PGM3: variants seen among roughly 807,000 people sequenced by gnomAD.
PGM3 encodes the protein phosphoacetylglucosamine mutase.
PGM3 carries 40 observed loss-of-function variants against 66.2 expected under a neutral mutation model. The observed-to-expected ratio is 0.60, with a 90% CI of 0.47 to 0.79. PGM3 has a LOEUF of 0.79. Ranked by LOEUF, PGM3 falls within the 30% of genes least tolerant of loss-of-function variation. PGM3 has a pLI of 0.00. For synonymous variants in PGM3, 191 were observed against 224.2 expected (o/e 0.85, Z 1.32); for missense variants, 537 against 643.4 (o/e 0.83, Z 1.79).
At chr6:83,188,592 T>TA (rs777228105) in intron 3 of PGM3, 22 bp downstream of exon 3, 13 of 1,502,596 alleles carry the variant, frequency 8.7e-6, no homozygotes, top group African/African-American at 1.4e-5. Context: ...TTTTTTTTTT[T>TA]ACCAGTAACT....
rs571513100 is a variant in PGM3 at position 83,168,450 on chromosome 6, T to C, written c.*784A>G. The C allele has an allele frequency of 3.3e-4, 363 of 1,083,906 alleles. No homozygotes were observed. In the African/African-American group the frequency reaches 5.6e-3, roughly 17 times the overall value. The allele number at this position is 1,083,906 out of a possible 1,614,324, so 67.1% of individuals were successfully genotyped here. On this transcript the variant is annotated 3_prime_UTR_variant, in exon 13 of 13. Transcript: ENST00000513973. Reference sequence around the variant, plus strand: ...TGAGTTGTCTTAAACCTGCAAAATATACACTACCCATTTTTTTTTTCCATT... The same window carrying C: ...TGAGTTGTCTTAAACCTGCAAAATACACACTACCCATTTTTTTTTTCCATT...
Position 83,170,312 on chromosome 6 carries a change from T to C in PGM3, c.1532A>G (p.Asp511Gly). 1 of 1,614,096 alleles carries C rather than the reference T, an allele frequency of 6.2e-7. No homozygotes were observed. Residue 511 changes from aspartate (D) to glycine (G), a missense_variant, in exon 12 of 13, where the codon GAC (aspartate) becomes GGC (glycine). Physicochemically the swap from Asp to Gly is moderately conservative, Grantham distance 94 (BLOSUM62 -1). Coordinates refer to ENST00000513973, the MANE Select transcript of PGM3 (RefSeq NM_015599.3). ...AGAACTATCCCAGCTTACTTGTGAG[T>C]CTGCTTCTGCATATACTCGGACGAC... ...EDVVRVYAEA[D>G]SQESADHLAH... is the part of the protein sequence containing the mutation.
downstream of PGM3, chr6:83,157,463 T>C (rs1783043589): frequency 1.2e-6 from 1 of 862,106 alleles, no homozygotes. Flanking sequence ...CAGTTGAAAA[T>C]AGTAAAACAA....
chr6:83,167,654 T>A lies in PGM3; in HGVS notation c.*1580A>T. On this transcript the variant is annotated 3_prime_UTR_variant, in exon 13 of 13. Coordinates refer to ENST00000513973, the MANE Select transcript of PGM3 (RefSeq NM_015599.3). The stretch of plus-strand genomic sequence containing the variant: ...GCGCATTCTAGTTGGGAACTATTAC[T>A]ACAATGTTAGACTGCTCCATGTAAA... The A allele has an allele frequency of 3.1e-6, 4 of 1,290,828 alleles. No homozygotes were observed. The highest frequency in any genetic ancestry group is 3.9e-6 in the Non-Finnish European group (4 of 1,022,472). The allele number at this position is 1,290,828 out of a possible 1,614,324, so 80.0% of individuals were successfully genotyped here.
chr6:83,169,461 C>CT (rs1786608680), intron 12 of PGM3, 138 bp from the exon 13 acceptor site: 2 of 966,482 alleles, frequency 2.1e-6, no homozygotes, highest in Admixed American at 5.6e-5. Context: ...TAATGAAAAC[C>CT]TTTTTTCATC....
chr6:83,152,479 T>C, the PGM3 span: 1 of 443,508 alleles, frequency 2.3e-6, no homozygotes. Context: ...TTTGTGCTTC[T>C]AGAAATCACT....
chr6:83,159,265 T>C (rs1443067107), downstream of PGM3, among the ~76,000 whole-genome samples: 3 of 152,288 alleles, frequency 2.0e-5, no homozygotes, highest in Non-Finnish European at 4.4e-5. Context: ...TTCTTGAACA[T>C]AATATAAGTT....
intron 1 of PGM3, among the ~76,000 whole-genome samples, chr6:83,192,053 T>C (rs1583302888): frequency 6.8e-6 from 1 of 146,786 alleles, no homozygotes; most frequent in African/African-American, 2.5e-5. Flanking sequence ...GATCACGAGG[T>C]CAGGAATTCA....
chr6:83,165,513 G>T lies in PGM3; in HGVS notation c.*3721C>A. 1 of 155,526 alleles carries T rather than the reference G, an allele frequency of 6.4e-6. No homozygotes were observed. Among genetic ancestry groups the T allele is most frequent in the South Asian group, 1.9e-4 (1 of 5,210 alleles). 9.6% of individuals were successfully genotyped at this position (155,526 alleles called of 1,614,324 possible). A position where few individuals can be genotyped will look rare whatever the true frequency, so the allele number is the denominator to read the frequency against. ...CACAAATCTTTATTAATTAAAATAG[G>T]AACCATTACAATCAACACATTTTTG... On this transcript the variant is annotated 3_prime_UTR_variant, in exon 13 of 13. Coordinates refer to ENST00000513973, the MANE Select transcript of PGM3 (RefSeq NM_015599.3).
chr6:83,163,808 C>G (rs1452892959), downstream of PGM3, among the ~76,000 whole-genome samples: 1 of 151,902 alleles, frequency 6.6e-6, no homozygotes, highest in Non-Finnish European at 1.5e-5. Flanking sequence ...TATAAAGCAT[C>G]TTCTTAGAGA....
In PGM3 at chr6:83,178,773, ATACT is replaced by A; in HGVS notation, c.946-21_946-18del. ...TTCTCCAATCTAGACAAAAACAATG[ATACT>A]TAACTTGCCATCAAAAGTATGGTCT... On this transcript the variant is annotated intron_variant, in intron 7 of 12. Coordinates refer to ENST00000513973, the MANE Select transcript of PGM3 (RefSeq NM_015599.3). 1 of 1,359,696 alleles carries A rather than the reference ATACT, an allele frequency of 7.4e-7. No homozygotes were observed. 84.2% of individuals were successfully genotyped at this position (1,359,696 alleles called of 1,614,324 possible). A position where few individuals can be genotyped will look rare whatever the true frequency, so the allele number is the denominator to read the frequency against.
intron 12 of PGM3, 174 bp from the exon 13 acceptor site, chr6:83,169,497 T>G: frequency 1.4e-6 from 1 of 709,412 alleles, no homozygotes; most frequent in Non-Finnish European, 2.3e-6. Context: ...CCAAAGCCCT[T>G]AAATAAACGG....
At chr6:83,158,686 A>G (rs557164264), downstream of PGM3, 6 of 1,102,234 alleles carry the variant, frequency 5.4e-6, no homozygotes, top group African/African-American at 9.5e-5. Context: ...TCAGAATATT[A>G]CTCAGCATCT....
In PGM3 at chr6:83,176,373, T is replaced by A. The variant is rs567416573; in HGVS notation, c.1030-313A>T. Among the ~76,000 whole-genome samples, 9 of 152,316 alleles carry A rather than the reference T, an allele frequency of 5.9e-5. No individual in the cohort carries two copies. The South Asian group carries it at 6.2e-4, about 11-fold the overall frequency. On this transcript the variant is annotated intron_variant, in intron 8 of 12. Transcript: ENST00000513973. ...GTTTAGCTACAGTGTGGAGAATAGCTTAGAGCAGAATTGCAAGCTTTTTCT... is the reference window on the plus strand; with the variant it reads ...GTTTAGCTACAGTGTGGAGAATAGCATAGAGCAGAATTGCAAGCTTTTTCT...
At chr6:83,169,609 C>A in intron 12 of PGM3, 1 of 451,006 alleles carries the variant, frequency 2.2e-6, no homozygotes, top group East Asian at 5.3e-5. Context: ...AAACTTTAAT[C>A]CACAATTGGC....
rs766676361 is a variant in PGM3, at chr6:83,169,319, C to T, written c.1544G>A (p.Ser515Asn). 4.3e-5 allele frequency: 69 copies of T among 1,613,548 alleles called. 2 individuals are homozygous for T. The South Asian group carries it at 7.1e-4, about 17-fold the overall frequency. Residue 515 changes from serine to asparagine, a missense_variant, in exon 13 of 13, where the codon AGT becomes AAT. Physicochemically the swap from Ser to Asn is conservative, Grantham distance 46. Coordinates refer to ENST00000513973, the MANE Select transcript of PGM3 (RefSeq NM_015599.3). ...RVYAEADSQESADHLAHEVSL... is the reference protein window; with the variant it reads ...RVYAEADSQENADHLAHEVSL... The stretch of plus-strand genomic sequence containing the variant: ...CACTTCATGTGCAAGGTGATCTGCA[C>T]TTTCCTGCAAATTACATTAAAAGAG...
chr6:83,180,186 TATA>T (rs1462608874), intron 6 of PGM3, among the ~76,000 whole-genome samples: 1 of 152,220 alleles, frequency 6.6e-6, no homozygotes, highest in Non-Finnish European at 1.5e-5. Flanking sequence ...TGATATTTGC[TATA>T]ATACTACCAT....
At chr6:83,152,430 A>T in the PGM3 span, 2 of 721,454 alleles carry the variant, frequency 2.8e-6, no homozygotes, top group Admixed American at 6.3e-5. Flanking sequence ...AAAATTAGCA[A>T]GTAATTTTTA....
Position 83,166,791 on chromosome 6 carries a change from T to C in PGM3, c.*2443A>G. 9.6e-7 allele frequency: 1 copy of C among 1,046,110 alleles called. No individual in the cohort carries two copies. The highest frequency in any genetic ancestry group is 1.1e-6 in the Non-Finnish European group (1 of 870,300). The allele number at this position is 1,046,110 out of a possible 1,614,324, so 64.8% of individuals were successfully genotyped here. ...TCTGCTTGACCCACTAGGAAACTAG[T>C]GATATTAAATTATTAGGTAAACAAT... On this transcript the variant is annotated 3_prime_UTR_variant, in exon 13 of 13. Coordinates refer to ENST00000513973, the MANE Select transcript of PGM3 (RefSeq NM_015599.3).
Sources: allele counts gnomAD v4.1 joint callset (sites outside exome capture counted in the v4.1 genomes callset), GRCh38; gene constraint gnomAD v4.1.1; transcripts MANE v1.5; gene names NCBI Gene and HGNC (gene_info 2026-07-23, HGNC 2026-07-21).